Variants in SLC9B1 observed in about 807,000 individuals in gnomAD.
The protein encoded by SLC9B1 is sodium/hydrogen exchanger 9B1.
Under a neutral mutation model 51.7 loss-of-function variants are expected in SLC9B1, and 32 were observed. The ratio of observed to expected loss-of-function variants is 0.62; its 90% CI spans 0.47 to 0.83. The LOEUF (loss-of-function observed/expected upper bound fraction) is 0.83. SLC9B1 is among the 40% of genes least tolerant of loss of function. The pLI is 0.00. For synonymous variants in SLC9B1, 145 were observed against 212.7 expected (o/e 0.68, Z 2.77); for missense variants, 406 against 613.2 (o/e 0.66, Z 3.57).
intron 1 of SLC9B1, among the ~76,000 whole-genome samples, chr4:103,007,591 CTTTTTTTTT>C (rs58447131): frequency 9.3e-6 from 1 of 107,748 alleles, no homozygotes; most frequent in African/African-American, 3.9e-5. Context: ...CTCTTGTCAT[CTTTTTTTTT>C]TTTTTTTTTT....
intron 1 of SLC9B1, among the ~76,000 whole-genome samples, chr4:103,007,807 G>T (rs1740870053): frequency 6.6e-6 from 1 of 151,858 alleles, no homozygotes; most frequent in African/African-American, 2.4e-5. Context: ...GCCCAGGCTG[G>T]TCTTGAACTC....
chr4:102,991,805 G>T, intron 1 of SLC9B1, 93 bp from the exon 2 acceptor site: 1 of 842,086 alleles, frequency 1.2e-6, no homozygotes, highest in South Asian at 2.2e-5. Context: ...ATTTTTTAAA[G>T]GATTTTTTGT....
intron 3 of SLC9B1, among the ~76,000 whole-genome samples, chr4:102,959,631 C>T (rs1219302957): frequency 6.6e-6 from 1 of 152,106 alleles, no homozygotes; most frequent in Admixed American, 6.5e-5. Context: ...ATAGACAAGA[C>T]AAGGGAGTGG....
At chr4:103,018,556 T>G (rs1741528631) in intron 1 of SLC9B1, among the ~76,000 whole-genome samples, 1 of 152,166 alleles carries the variant, frequency 6.6e-6, no homozygotes, top group Non-Finnish European at 1.5e-5. Context: ...TATATTTATC[T>G]CTAAGGAAAA....
In SLC9B1 at chr4:103,017,809, G is replaced by T. The variant is rs571565660; in HGVS notation, c.-2+1790C>A. On this transcript the variant is annotated intron_variant, in intron 1 of 11. Transcript: ENST00000296422. Reference sequence around the variant, plus strand: ...AGAATTTAAACTTCATAAGAACAGCGATCTTGCTAGTCTTTCTTACCATTG... The same window carrying T: ...AGAATTTAAACTTCATAAGAACAGCTATCTTGCTAGTCTTTCTTACCATTG... Among the ~76,000 whole-genome samples the T allele has an allele frequency of 2.6e-5, 4 of 152,264 alleles. No homozygotes were observed. In the South Asian group the frequency reaches 8.3e-4, roughly 32 times the overall value.
intron 7 of SLC9B1, among the ~76,000 whole-genome samples, chr4:102,919,673 A>C (rs1448706563): frequency 1.3e-5 from 2 of 152,198 alleles, no homozygotes. Context: ...GCCGTGACAG[A>C]CTACCTGGAA....
intron 3 of SLC9B1, among the ~76,000 whole-genome samples, chr4:102,987,098 G>GGT (rs1280195621): frequency 6.6e-6 from 1 of 152,126 alleles, no homozygotes; most frequent in African/African-American, 2.4e-5. Flanking sequence ...GTGGTGATAA[G>GGT]GTGTGTGTGT....
At chr4:102,900,436 G>GA (rs1188026861), downstream of SLC9B1, among the ~76,000 whole-genome samples, 1 of 152,072 alleles carries the variant, frequency 6.6e-6, no homozygotes, top group Non-Finnish European at 1.5e-5. Context: ...AATACTAATT[G>GA]AAAAAAATAT....
At chr4:103,006,528 G>A (rs1009587281) in intron 1 of SLC9B1, among the ~76,000 whole-genome samples, 14 of 152,090 alleles carry the variant, frequency 9.2e-5, no homozygotes, top group African/African-American at 2.9e-4. Flanking sequence ...AAAAAGCCCA[G>A]GACCAGAATG....
At chr4:102,964,089 TAA>T (rs1738290524) in intron 3 of SLC9B1, among the ~76,000 whole-genome samples, 1 of 151,986 alleles carries the variant, frequency 6.6e-6, no homozygotes, top group African/African-American at 2.4e-5. Flanking sequence ...AAGAAGACAC[TAA>T]TTCCCAAAAT....
At chr4:102,998,702 CT>C (rs1240758814) in intron 1 of SLC9B1, among the ~76,000 whole-genome samples, 1 of 151,218 alleles carries the variant, frequency 6.6e-6, no homozygotes, top group Non-Finnish European at 1.5e-5. Flanking sequence ...TTGTTATTTT[CT>C]GTTTTTTGGT....
chr4:102,897,952 T>G, downstream of SLC9B1: 7 of 375,474 alleles, frequency 1.9e-5, no homozygotes, highest in South Asian at 1.5e-4. Flanking sequence ...CTGCTGTTCA[T>G]GTAGAAGGTC....
chr4:102,993,882 C>G (rs1056091039), intron 1 of SLC9B1, among the ~76,000 whole-genome samples: 1 of 152,222 alleles, frequency 6.6e-6, no homozygotes, highest in African/African-American at 2.4e-5. Context: ...CTGTACCTGG[C>G]CTCCTTTAGA....
chr4:102,980,538 A>T (rs10032234), intron 3 of SLC9B1, among the ~76,000 whole-genome samples: 1 of 151,766 alleles, frequency 6.6e-6, no homozygotes, highest in Admixed American at 6.6e-5. Context: ...TGGGAGCTGA[A>T]TGATGAGAAC....
downstream of SLC9B1, among the ~76,000 whole-genome samples, chr4:102,900,399 AGGC>A (rs1162474621): frequency 6.6e-4 from 101 of 152,378 alleles, 1 homozygote; most frequent in Middle Eastern, 3.4e-3. Flanking sequence ...TCATTTTTGG[AGGC>A]TGCCTTTTAT....
intron 3 of SLC9B1, among the ~76,000 whole-genome samples, chr4:102,959,319 AT>A (rs1380816025): frequency 1.3e-5 from 2 of 152,038 alleles, no homozygotes; most frequent in Non-Finnish European, 2.9e-5. Flanking sequence ...TATATATGTA[AT>A]TTTTTTAACC....
At chr4:103,012,843 A>G (rs537650496) in intron 1 of SLC9B1, among the ~76,000 whole-genome samples, 11 of 152,156 alleles carry the variant, frequency 7.2e-5, no homozygotes, top group Non-Finnish European at 1.5e-4. Context: ...GAAGGCATGT[A>G]AAGGCAAAAA....
rs547706986 is a variant in SLC9B1, at chr4:103,013,280, T to C, written c.-2+6319A>G. Among the ~76,000 whole-genome samples the C allele has an allele frequency of 4.5e-4, 69 of 152,348 alleles. 1 individual carries two copies. The South Asian group carries it at 8.7e-3, about 19-fold the overall frequency. ...CACTGAACCTCTTTGTAAATATCCA[T>C]TGATTATTCTAAATAAAGCTTCCTG... On this transcript the variant is annotated intron_variant, in intron 1 of 11. Coordinates refer to ENST00000296422, the MANE Select transcript of SLC9B1 (RefSeq NM_139173.4).
intron 1 of SLC9B1, among the ~76,000 whole-genome samples, chr4:103,001,894 G>A (rs1740542454): frequency 6.6e-6 from 1 of 152,184 alleles, no homozygotes; most frequent in Admixed American, 6.5e-5. Context: ...AGGTTTAACT[G>A]ACTCACAGTT....
Sources: allele counts gnomAD v4.1 joint callset (sites outside exome capture counted in the v4.1 genomes callset), GRCh38; gene constraint gnomAD v4.1.1; transcripts MANE v1.5; gene names NCBI Gene and HGNC (gene_info 2026-07-23, HGNC 2026-07-21).